Variants in TENM2 observed in about 807,000 individuals in gnomAD.
TENM2 encodes teneurin-2.
Under a neutral mutation model 245.2 loss-of-function variants are expected in TENM2, and 52 were observed. That is an observed-to-expected ratio of 0.21 (90% CI 0.17 to 0.27). TENM2 has a LOEUF of 0.27. Among genes scored for constraint, TENM2 ranks in the 10% least tolerant of loss-of-function variants. The pLI, the probability that TENM2 is intolerant of heterozygous loss-of-function variation, is 1.00. For missense variants in TENM2, 3,046 were observed against 3,666.8 expected (o/e 0.83, Z 4.37); for synonymous variants, 1,363 against 1,438.9 (o/e 0.95, Z 1.19).
the TENM2 span, among the ~76,000 whole-genome samples, chr5:167,193,563 A>T: frequency 6.6e-6 from 1 of 152,010 alleles, no homozygotes; most frequent in African/African-American, 2.4e-5. Flanking sequence ...TTACATAAAA[A>T]TTCCTTTAAC....
chr5:167,376,562 T>A (rs1172378221), intron 2 of TENM2, among the ~76,000 whole-genome samples: 1 of 152,198 alleles, frequency 6.6e-6, no homozygotes, highest in Non-Finnish European at 1.5e-5. Flanking sequence ...ATTTCCTGGG[T>A]AAGTCGCACA....
At chr5:167,207,783 C>G in the TENM2 span, among the ~76,000 whole-genome samples, 2 of 152,110 alleles carry the variant, frequency 1.3e-5, no homozygotes, top group Non-Finnish European at 2.9e-5. Context: ...GATGGAGTTT[C>G]ACACTTGTTG....
At chr5:168,000,208 A>G (rs560219047) in intron 5 of TENM2, among the ~76,000 whole-genome samples, 8 of 152,066 alleles carry the variant, frequency 5.3e-5, no homozygotes, top group Non-Finnish European at 2.9e-5. Flanking sequence ...TAAATTCTCC[A>G]TTTCTGACAT....
chr5:167,298,605 A>AAAAC (rs924971247), intron 1 of TENM2, among the ~76,000 whole-genome samples: 2 of 152,262 alleles, frequency 1.3e-5, no homozygotes, highest in African/African-American at 4.8e-5. Context: ...CCGTCTCAAA[A>AAAAC]AAACAAACAA....
At chr5:167,382,506 T>A (rs1247747884) in intron 2 of TENM2, among the ~76,000 whole-genome samples, 2 of 152,162 alleles carry the variant, frequency 1.3e-5, no homozygotes, top group African/African-American at 4.8e-5. Flanking sequence ...CCAAGGAACA[T>A]TCAGGAGTGA....
the TENM2 span, among the ~76,000 whole-genome samples, chr5:167,177,158 G>A: frequency 6.6e-6 from 1 of 152,156 alleles, no homozygotes; most frequent in Non-Finnish European, 1.5e-5. Flanking sequence ...GTTAAAGAGG[G>A]CTTTTTTCCT....
intron 2 of TENM2, among the ~76,000 whole-genome samples, chr5:167,643,016 C>A (rs77141285): frequency 2.0e-5 from 3 of 152,268 alleles, no homozygotes; most frequent in Non-Finnish European, 4.4e-5. Context: ...TGTAATGACA[C>A]CACAGCAGAA....
chr5:166,993,958 G>A, the TENM2 span, among the ~76,000 whole-genome samples: 1 of 152,200 alleles, frequency 6.6e-6, no homozygotes, highest in South Asian at 2.1e-4. Flanking sequence ...GCGTATGTTT[G>A]TTTGTATTTG....
intron 1 of TENM2, among the ~76,000 whole-genome samples, chr5:167,320,147 C>T (rs975929085): frequency 6.6e-6 from 1 of 152,144 alleles, no homozygotes; most frequent in Non-Finnish European, 1.5e-5. Flanking sequence ...GAAACAAGTC[C>T]TCATTCTATC....
intron 6 of TENM2, among the ~76,000 whole-genome samples, chr5:168,061,363 T>G (rs992521572): frequency 6.6e-6 from 1 of 152,186 alleles, no homozygotes; most frequent in African/African-American, 2.4e-5. Flanking sequence ...GGGTGCTGAC[T>G]GGTTCATTGT....
chr5:167,326,791 G>A (rs1757115428), intron 1 of TENM2, among the ~76,000 whole-genome samples: 1 of 150,460 alleles, frequency 6.6e-6, no homozygotes, highest in African/African-American at 2.4e-5. Context: ...GTTACACTCA[G>A]TCATCACTTC....
At chr5:167,059,708 CT>C in the TENM2 span, among the ~76,000 whole-genome samples, 288 of 142,652 alleles carry the variant, frequency 2.0e-3, no homozygotes, top group Admixed American at 2.4e-3. Flanking sequence ...AAGTAAATGT[CT>C]TTTTTTTTTT....
At chr5:167,045,481 G>A in the TENM2 span, among the ~76,000 whole-genome samples, 27 of 152,260 alleles carry the variant, frequency 1.8e-4, no homozygotes, top group East Asian at 4.8e-3. Context: ...CTCTTCTGCA[G>A]GTGCAGCTCC....
chr5:168,178,938 C>T (rs1759603302), intron 13 of TENM2, among the ~76,000 whole-genome samples: 1 of 152,098 alleles, frequency 6.6e-6, no homozygotes, highest in Non-Finnish European at 1.5e-5. Flanking sequence ...AGTTCAAGAC[C>T]AGGCTAGCCA....
intron 2 of TENM2, among the ~76,000 whole-genome samples, chr5:167,433,621 T>G (rs1764374493): frequency 6.6e-6 from 1 of 152,144 alleles, no homozygotes; most frequent in Non-Finnish European, 1.5e-5. Context: ...TAGCTAATAC[T>G]TGAGCATAAA....
At chr5:167,788,339 C>G (rs2150878916) in intron 2 of TENM2, among the ~76,000 whole-genome samples, 1 of 152,308 alleles carries the variant, frequency 6.6e-6, no homozygotes, top group South Asian at 2.1e-4. Context: ...ACTTGATTTA[C>G]TCGCAAGGAT....
chr5:167,466,292 C>G (rs1212537299), intron 2 of TENM2, among the ~76,000 whole-genome samples: 1 of 152,206 alleles, frequency 6.6e-6, no homozygotes, highest in African/African-American at 2.4e-5. Flanking sequence ...CTCACGAACT[C>G]TCCTCCCTAC....
At chr5:167,338,273 A>G (rs1001020002) in intron 1 of TENM2, among the ~76,000 whole-genome samples, 1 of 152,100 alleles carries the variant, frequency 6.6e-6, no homozygotes, top group Admixed American at 6.5e-5. Flanking sequence ...ATATTTATTT[A>G]TTTCCCCACC....
At chr5:167,724,545 G>A (rs774910438) in intron 2 of TENM2, among the ~76,000 whole-genome samples, 1 of 152,182 alleles carries the variant, frequency 6.6e-6, no homozygotes. Context: ...GAAGACAGTA[G>A]AGTAGGAAGG....
Sources: gnomAD v4.1 joint callset for allele counts (sites outside exome capture counted in the v4.1 genomes callset) on GRCh38, gnomAD v4.1.1 for gene constraint, MANE v1.5 for transcripts, NCBI Gene and HGNC (gene_info 2026-07-23, HGNC 2026-07-21) for gene names.